FSTL5: variants seen among roughly 807,000 people sequenced by gnomAD.
FSTL5 encodes the protein follistatin like 5, also known as follistatin-related protein 5.
In FSTL5, 62 loss-of-function variants were observed where a neutral mutation model predicts 89.1. That is an observed-to-expected ratio of 0.70 (90% CI 0.57 to 0.86). The LOEUF is 0.86. FSTL5 is among the 40% of genes least tolerant of loss of function. The pLI, the probability that FSTL5 is intolerant of heterozygous loss-of-function variation, is 0.00. For synonymous variants in FSTL5, 383 were observed against 346.2 expected, an observed-to-expected ratio of 1.11 and a Z score of -1.18; for missense variants, 1,057 against 1,001.6, an observed-to-expected ratio of 1.06 and a Z score of -0.75.
At chr4:161,667,922 A>C (rs1290930277) in intron 6 of FSTL5, among the ~76,000 whole-genome samples, 5 of 152,130 alleles carry the variant, frequency 3.3e-5, no homozygotes, top group African/African-American at 1.2e-4. Context: ...ATATATTAAC[A>C]AAGATGAAAG....
At chr4:162,141,404 C>T (rs535286981) in intron 1 of FSTL5, among the ~76,000 whole-genome samples, 1 of 88,718 alleles carries the variant, frequency 1.1e-5, no homozygotes, top group Non-Finnish European at 2.7e-5. Flanking sequence ...CGTGAGCCAC[C>T]GCGCCCGGCC....
At chr4:162,001,296 A>T (rs13140618) in intron 3 of FSTL5, among the ~76,000 whole-genome samples, 6 of 151,894 alleles carry the variant, frequency 4.0e-5, no homozygotes, top group Non-Finnish European at 7.4e-5. Context: ...TCATATACCT[A>T]TATCTATCTG....
chr4:161,864,199 T>C (rs1732006645), intron 4 of FSTL5, among the ~76,000 whole-genome samples: 1 of 152,182 alleles, frequency 6.6e-6, no homozygotes, highest in Non-Finnish European at 1.5e-5. Context: ...AAAATGATGT[T>C]ATGAAGGAAG....
At chr4:161,814,611 A>G (rs960495758) in intron 4 of FSTL5, among the ~76,000 whole-genome samples, 1 of 152,146 alleles carries the variant, frequency 6.6e-6, no homozygotes, top group African/African-American at 2.4e-5. Flanking sequence ...TTTACATTAT[A>G]TAATAGAATT....
At chr4:161,976,575 G>A (rs565260545) in intron 3 of FSTL5, among the ~76,000 whole-genome samples, 75 of 152,080 alleles carry the variant, frequency 4.9e-4, no homozygotes, top group Non-Finnish European at 9.0e-4. Flanking sequence ...TCCGCCTTCC[G>A]TGTTCACGCC....
At chr4:161,868,342 C>T (rs148183421) in intron 4 of FSTL5, among the ~76,000 whole-genome samples, 1 of 152,246 alleles carries the variant, frequency 6.6e-6, no homozygotes, top group East Asian at 1.9e-4. Flanking sequence ...GACAAAAATA[C>T]GGTTGTCACC....
intron 2 of FSTL5, among the ~76,000 whole-genome samples, chr4:162,102,632 T>C (rs927755958): frequency 2.1e-5 from 3 of 146,196 alleles, no homozygotes; most frequent in East Asian, 3.9e-4. Context: ...ATTTATAACA[T>C]ATATAAATAT....
chr4:162,025,029 G>A, intron 3 of FSTL5, among the ~76,000 whole-genome samples: 1 of 151,700 alleles, frequency 6.6e-6, no homozygotes, highest in East Asian at 1.9e-4. Flanking sequence ...CCCAAAATAA[G>A]GAAAATATCT....
intron 3 of FSTL5, among the ~76,000 whole-genome samples, chr4:161,967,157 T>G (rs187532812): frequency 1.3e-5 from 2 of 152,154 alleles, no homozygotes; most frequent in Non-Finnish European, 2.9e-5. Context: ...AAATTTTAAT[T>G]TTAGTTTAGT....
chr4:161,900,653 A>AAG (rs1553979213), intron 4 of FSTL5, among the ~76,000 whole-genome samples: 2 of 132,362 alleles, frequency 1.5e-5, no homozygotes, highest in African/African-American at 5.5e-5. Context: ...AAAAAAAAAA[A>AAG]AAAAAGAAAG....
In FSTL5 at chr4:161,386,280, C is replaced by A; in HGVS notation, c.2011G>T (p.Gly671Ter). Residue 671 changes from glycine (G) to a stop codon, truncating the protein, a stop_gained, in exon 16 of 16, where the codon GGA becomes TGA. Coordinates refer to ENST00000306100, the MANE Select transcript of FSTL5 (RefSeq NM_020116.5). LOFTEE classifies it low-confidence loss of function (END_TRUNC). ...YFIGCKPDSTGAVSPQVMVDG... is the reference protein window; with the variant it reads ...YFIGCKPDST ...ACCATGACCTGTGGGGAAACTGCTCCGGTGCTGTCAGGTTTGCAGCCAATG... is the reference window on the plus strand; with the variant it reads ...ACCATGACCTGTGGGGAAACTGCTCAGGTGCTGTCAGGTTTGCAGCCAATG... 1.2e-6 allele frequency: 2 copies of A among 1,613,876 alleles called. No individual in the cohort carries two copies. The highest frequency in any genetic ancestry group is 2.2e-5 in the South Asian group (2 of 91,076).
chr4:161,882,525 A>G (rs984812340), intron 4 of FSTL5, among the ~76,000 whole-genome samples: 4 of 152,112 alleles, frequency 2.6e-5, no homozygotes, highest in African/African-American at 9.6e-5. Context: ...TGGTTATTCT[A>G]ATGGTATTAT....
chr4:161,833,404 G>A (rs1730915681), intron 4 of FSTL5, among the ~76,000 whole-genome samples: 1 of 142,758 alleles, frequency 7.0e-6, no homozygotes, highest in African/African-American at 2.6e-5. Context: ...GGTCCTCTTG[G>A]TGCAGAGCTG....
intron 6 of FSTL5, among the ~76,000 whole-genome samples, chr4:161,690,787 G>A (rs34787260): frequency 0.14 from 20,737 of 151,800 alleles, 1,848 homozygotes; most frequent in Middle Eastern, 0.27. Flanking sequence ...TCATTTTTCC[G>A]ACCATCTCCC....
In FSTL5 at chr4:161,898,725, G is replaced by A. The variant is rs1217235241; in HGVS notation, c.409+21679C>T. ...GCTCACTGCAAGCTCCGCCTCCCGG[G>A]TTCATGCCATTCTCCTGCCTCAGTC... On this transcript the variant is annotated intron_variant, in intron 4 of 15. Transcript: ENST00000306100. Among the ~76,000 whole-genome samples, 20 of 151,348 alleles carry A rather than the reference G, an allele frequency of 1.3e-4. No homozygotes were observed. The South Asian group carries it at 3.6e-3, about 27-fold the overall frequency.
intron 10 of FSTL5, among the ~76,000 whole-genome samples, chr4:161,513,230 AC>A (rs1188224189): frequency 6.6e-6 from 1 of 150,516 alleles, no homozygotes. Context: ...ATGATAATAC[AC>A]AGACTGAACT....
At chr4:162,153,759 T>TATATATATGTATA (rs1561049173) in intron 1 of FSTL5, among the ~76,000 whole-genome samples, 1 of 100,126 alleles carries the variant, frequency 1.0e-5, no homozygotes, top group Non-Finnish European at 2.0e-5. Flanking sequence ...TACATGTATA[T>TATATATATGTATA]ATACATGTAT....
At chr4:161,983,210 A>C (rs1325662369) in intron 3 of FSTL5, among the ~76,000 whole-genome samples, 1 of 152,200 alleles carries the variant, frequency 6.6e-6, no homozygotes, top group Non-Finnish European at 1.5e-5. Flanking sequence ...AGAAAGTGAT[A>C]GAATAATTTT....
In FSTL5 at chr4:161,920,662, T is replaced by TG. The variant is rs1553982434; in HGVS notation, c.161-11_161-10insC. On this transcript the variant is annotated splice_polypyrimidine_tract_variant and intron_variant, in intron 3 of 15. Transcript: ENST00000306100. Reference sequence around the variant, plus strand: ...TCCTGAATCATAAATCCTGAAGAATTAAAAAAAAATTGAAAATCGTTTGGT... The same window carrying TG: ...TCCTGAATCATAAATCCTGAAGAATTGAAAAAAAAATTGAAAATCGTTTGGT... 7.1e-5 allele frequency: 104 copies of TG among 1,455,076 alleles called. No individual in the cohort carries two copies. Among genetic ancestry groups the TG allele is most frequent in the East Asian group, 1.6e-4 (7 of 43,174 alleles). The allele number at this position is 1,455,076 out of a possible 1,614,324, so 90.1% of individuals were successfully genotyped here. A position where few individuals can be genotyped will look rare whatever the true frequency, so the allele number is the denominator to read the frequency against.
Sources: allele counts gnomAD v4.1 joint callset (sites outside exome capture counted in the v4.1 genomes callset), GRCh38; gene constraint gnomAD v4.1.1; transcripts MANE v1.5; gene names NCBI Gene and HGNC (gene_info 2026-07-23, HGNC 2026-07-21).